Variants in PRICKLE1 observed in about 807,000 individuals in gnomAD.
The protein encoded by PRICKLE1 is prickle-like protein 1.
A neutral mutation model predicts 70.2 loss-of-function variants in PRICKLE1; 14 were observed. The ratio of observed to expected loss-of-function variants is 0.20; its 90% CI spans 0.13 to 0.31. The LOEUF is 0.31. PRICKLE1 is among the 10% of genes least tolerant of loss of function. The pLI is 1.00. For synonymous variants in PRICKLE1, 357 were observed against 379.9 expected (o/e 0.94, Z 0.70); for missense variants, 821 against 1,026.2 (o/e 0.80, Z 2.73).
At chr12:42,570,076 A>T (rs1416850931) in intron 1 of PRICKLE1, among the ~76,000 whole-genome samples, 1 of 152,272 alleles carries the variant, frequency 6.6e-6, no homozygotes, top group East Asian at 1.9e-4. Flanking sequence ...CTCATTAGCC[A>T]ATCTGAATTG....
chr12:42,540,721 C>T (rs1336890872), intron 1 of PRICKLE1, among the ~76,000 whole-genome samples: 1 of 152,118 alleles, frequency 6.6e-6, no homozygotes, highest in Non-Finnish European at 1.5e-5. Context: ...CACCACCACG[C>T]TGGCTAATTT....
rs375197568 is a variant in PRICKLE1, at chr12:42,466,266, C to T, written c.703G>A (p.Gly235Ser). 6.3e-5 allele frequency: 101 copies of T among 1,614,198 alleles called. No individual in the cohort carries two copies. Among genetic ancestry groups the T allele is most frequent in the Admixed American group, 1.0e-4 (6 of 60,026 alleles). Reference protein sequence around the residue: ...LGGQRYIMKDGRPFCCGCFES... With the variant: ...LGGQRYIMKDSRPFCCGCFES... Reference sequence around the variant, plus strand: ...AAACAGCCACAGCAGAAGGGGCGGCCGTCCTTCATGATATACCTCTGTCCT... The same window carrying T: ...AAACAGCCACAGCAGAAGGGGCGGCTGTCCTTCATGATATACCTCTGTCCT... The change falls in exon 6 of 8, where the codon GGC becomes AGC. Residue 235 changes from glycine (G) to serine (S), a missense_variant. Coordinates refer to ENST00000345127, the MANE Select transcript of PRICKLE1 (RefSeq NM_153026.3).
chr12:42,465,790 G>A, intron 6 of PRICKLE1: 1 of 323,328 alleles, frequency 3.1e-6, no homozygotes, highest in Non-Finnish European at 5.9e-6. Context: ...CGGTACCACT[G>A]GCTGTGAGTT....
At position 42,464,214 on chromosome 12, in the gene PRICKLE1, T is replaced by C. The variant is rs1241951806; in HGVS notation, c.1639+181A>G. Among the ~76,000 whole-genome samples the C allele has an allele frequency of 2.0e-5, 3 of 152,092 alleles. 1 individual carries two copies. Among genetic ancestry groups the C allele is most frequent in the Admixed American group, 1.3e-4 (2 of 15,268 alleles). On this transcript the variant is annotated intron_variant, in intron 7 of 7. Transcript: ENST00000345127. The surrounding 1 kb of genome is among the most constrained non-coding windows in gnomAD (Gnocchi z 4.2). Reference sequence around the variant, plus strand: ...TTTTGTATTTTTAGTAGAGCCGCGGTTTCGCCATGTTGCCTGGGCTGGTCT... The same window carrying C: ...TTTTGTATTTTTAGTAGAGCCGCGGCTTCGCCATGTTGCCTGGGCTGGTCT...
rs977431300 is a variant in PRICKLE1, at chr12:42,458,544, C to T, written c.*1265G>A. 6.2e-4 allele frequency: 94 copies of T among 152,296 alleles called. No homozygotes were observed. The highest frequency in any genetic ancestry group is 2.0e-3 in the African/African-American group (83 of 41,546). The allele number at this position is 152,296 out of a possible 1,614,324, so 9.4% of individuals were successfully genotyped here. ...TAACTTACAGTACTCAATGGCACAG[C>T]ATCCTCTAATTTAAAGATTTTAAAA... On this transcript the variant is annotated 3_prime_UTR_variant, in exon 8 of 8. Transcript: ENST00000345127.
chr12:42,545,511 C>A (rs549583733), intron 1 of PRICKLE1, among the ~76,000 whole-genome samples: 93 of 152,256 alleles, frequency 6.1e-4, no homozygotes, highest in African/African-American at 2.0e-3. Flanking sequence ...TTATTTGTAT[C>A]TTGTTTTAGT....
chr12:42,573,266 C>T (rs1187912976), intron 1 of PRICKLE1, among the ~76,000 whole-genome samples: 1 of 152,128 alleles, frequency 6.6e-6, no homozygotes, highest in Non-Finnish European at 1.5e-5. Context: ...GCCATCAAGC[C>T]AGGACCACTA....
At chr12:42,488,413 C>G (rs34290145) in intron 1 of PRICKLE1, among the ~76,000 whole-genome samples, 36,356 of 152,152 alleles carry the variant, frequency 0.24, 4,506 homozygotes, top group Admixed American at 0.3. Flanking sequence ...CTTTGCCCAC[C>G]CTAACCCTTA....
intron 1 of PRICKLE1, among the ~76,000 whole-genome samples, chr12:42,530,680 A>ATTTTTTTTTTTTT (rs34675637): frequency 1.0e-5 from 1 of 97,100 alleles, no homozygotes; most frequent in Non-Finnish European, 1.9e-5. Flanking sequence ...TTATCAAATA[A>ATTTTTTTTTTTTT]TTTTTTTTTT....
chr12:42,519,060 C>T (rs1241398675), intron 1 of PRICKLE1, among the ~76,000 whole-genome samples: 1 of 152,088 alleles, frequency 6.6e-6, no homozygotes, highest in African/African-American at 2.4e-5. Context: ...GCACATGACC[C>T]TCAAGTAGTA....
intron 1 of PRICKLE1, among the ~76,000 whole-genome samples, chr12:42,585,623 G>A (rs1940974845): frequency 6.6e-6 from 1 of 152,136 alleles, no homozygotes; most frequent in Non-Finnish European, 1.5e-5. Flanking sequence ...ACATCAGCGT[G>A]CTCCAACCTG....
intron 1 of PRICKLE1, among the ~76,000 whole-genome samples, chr12:42,472,963 A>C (rs1938384082): frequency 6.6e-6 from 1 of 152,134 alleles, no homozygotes; most frequent in African/African-American, 2.4e-5. Flanking sequence ...TGCCTTGCCC[A>C]CTACTATGCC....
At chr12:42,550,762 G>A (rs1940301108) in intron 1 of PRICKLE1, among the ~76,000 whole-genome samples, 1 of 152,184 alleles carries the variant, frequency 6.6e-6, no homozygotes, top group Non-Finnish European at 1.5e-5. Flanking sequence ...CAGTAACTTA[G>A]CTTTGAGAAC....
intron 1 of PRICKLE1, chr12:42,483,909 G>C (rs1938908128): frequency 1.4e-5 from 2 of 146,448 alleles, no homozygotes; most frequent in Admixed American, 7.0e-5. Context: ...CCAGCTCCGC[G>C]TCCTTCCAGG....
intron 1 of PRICKLE1, among the ~76,000 whole-genome samples, chr12:42,581,437 G>A (rs1464952967): frequency 6.6e-6 from 1 of 151,790 alleles, no homozygotes; most frequent in Non-Finnish European, 1.5e-5. Context: ...AATTGACAAA[G>A]TATTTCATTA....
At chr12:42,461,923 C>T (rs539759700) in intron 7 of PRICKLE1, among the ~76,000 whole-genome samples, 26 of 152,126 alleles carry the variant, frequency 1.7e-4, no homozygotes, top group African/African-American at 5.8e-4. Context: ...CTCAGCCTCC[C>T]GAGTAGCTGG....
chr12:42,537,598 C>A (rs1393799499), intron 1 of PRICKLE1, among the ~76,000 whole-genome samples: 1 of 152,170 alleles, frequency 6.6e-6, no homozygotes, highest in Non-Finnish European at 1.5e-5. Context: ...CACTTTGATT[C>A]AATCATTCAA....
rs201020643 is a variant in PRICKLE1 at position 42,473,600 on chromosome 12, CT to C, written c.-48-1037del. ...TTCAGAACCAGATGGAGAGATGGAG[CT>C]TTTTTATACCTGGGCCTTTCACCCA... On this transcript the variant is annotated intron_variant, in intron 1 of 7. Transcript: ENST00000345127. 1.0e-3 allele frequency among the ~76,000 whole-genome samples: 155 copies of C among 152,280 alleles called. 1 individual carries two copies. The South Asian group carries it at 0.026, about 25-fold the overall frequency.
chr12:42,564,413 C>A (rs1184494677), intron 1 of PRICKLE1, among the ~76,000 whole-genome samples: 1 of 151,814 alleles, frequency 6.6e-6, no homozygotes, highest in Non-Finnish European at 1.5e-5. Context: ...TCGAGATCAG[C>A]CAACTCAACA....
Sources: allele counts gnomAD v4.1 joint callset (sites outside exome capture counted in the v4.1 genomes callset), GRCh38; gene constraint gnomAD v4.1.1; non-coding constraint Gnocchi (gnomAD v3.1); transcripts MANE v1.5; gene names NCBI Gene and HGNC (gene_info 2026-07-23, HGNC 2026-07-21).